FKBP10: variants seen among roughly 807,000 people sequenced by gnomAD.
FKBP10 encodes peptidyl-prolyl cis-trans isomerase FKBP10.
Under a neutral mutation model 53.7 loss-of-function variants are expected in FKBP10, and 34 were observed. That is an observed-to-expected ratio of 0.63 (90% CI 0.48 to 0.84). The LOEUF (loss-of-function observed/expected upper bound fraction) is 0.84. Among genes scored for constraint, FKBP10 ranks in the 40% least tolerant of loss-of-function variants. The probability of loss-of-function intolerance (pLI) is 0.00; values close to 1 mark genes in which losing one functional copy is unlikely to be tolerated. For missense variants in FKBP10, 748 were observed against 797.8 expected (o/e 0.94, Z 0.75); for synonymous variants, 324 against 335.7 (o/e 0.97, Z 0.38).
chr17:41,815,359 A>G (rs2047801734), intron 1 of FKBP10, among the ~76,000 whole-genome samples: 2 of 151,854 alleles, frequency 1.3e-5, no homozygotes, highest in African/African-American at 4.8e-5. Flanking sequence ...GCGTTTCACC[A>G]TGTTGCTCAG....
Position 41,813,213 on chromosome 17 carries a change from A to G in FKBP10, c.179A>G (p.Gln60Arg). 1 of 1,613,670 alleles carries G rather than the reference A, an allele frequency of 6.2e-7. No homozygotes were observed. ...CCCAGGGCCTGTCCCCGGGAAGTGCAGATGGGGGATTTTGTGCGCTACCAC... is the reference window on the plus strand; with the variant it reads ...CCCAGGGCCTGTCCCCGGGAAGTGCGGATGGGGGATTTTGTGCGCTACCAC... ...HIPRACPREV[Q>R]MGDFVRYHYN... The change falls in exon 1 of 10, where the codon CAG becomes CGG. Residue 60 changes from glutamine (Q) to arginine (R), a missense_variant. Physicochemically the swap from Gln to Arg is conservative, Grantham distance 43 (BLOSUM62 1). Coordinates refer to ENST00000321562, the MANE Select transcript of FKBP10 (RefSeq NM_021939.4).
chr17:41,814,088 C>A (rs911954137), intron 1 of FKBP10, among the ~76,000 whole-genome samples: 2 of 152,184 alleles, frequency 1.3e-5, no homozygotes, highest in African/African-American at 4.8e-5. Flanking sequence ...GGGGACAGGG[C>A]AGGGCTGTAT....
chr17:41,816,782 C>T (rs1555616115), intron 1 of FKBP10, among the ~76,000 whole-genome samples: 1 of 152,212 alleles, frequency 6.6e-6, no homozygotes, highest in East Asian at 1.9e-4. Context: ...CCATCAGGCC[C>T]GGGCATCCCA....
chr17:41,818,467 C>G lies in FKBP10; in HGVS notation c.667C>G (p.Pro223Ala). The G allele has an allele frequency of 6.2e-7, 1 of 1,614,192 alleles. No homozygotes were observed. Among genetic ancestry groups the G allele is most frequent in the Non-Finnish European group, 8.5e-7 (1 of 1,180,028 alleles). ...GGACCAGGGGCTGCTGGGCATGTGT[C>G]CTGGAGAGAGAAGGAAGATTATCAT... ...GMDQGLLGMC[P>A]GERRKIIIPP... The change falls in exon 4 of 10, where the codon CCT becomes GCT. Residue 223 changes from proline (P) to alanine (A), a missense_variant. Transcript: ENST00000321562.
chr17:41,822,235 A>G lies in FKBP10; in HGVS notation c.1576A>G (p.Ile526Val). Residue 526 changes from isoleucine (I) to valine (V), a missense_variant, in exon 10 of 10, where the codon ATC (isoleucine) becomes GTC (valine). Coordinates refer to ENST00000321562, the MANE Select transcript of FKBP10 (RefSeq NM_021939.4). ...EVPPEEFSTF[I>V]KAQVSEGKGR... ...TCCCCTGCCCCAGTTCTCCACCTTC[A>G]TCAAGGCTCAAGTGAGTGAGGGCAA... The G allele has an allele frequency of 6.2e-7, 1 of 1,612,916 alleles. No individual in the cohort carries two copies. Among genetic ancestry groups the G allele is most frequent in the East Asian group, 2.2e-5 (1 of 44,882 alleles).
intron 1 of FKBP10, among the ~76,000 whole-genome samples, chr17:41,814,818 A>C (rs974872384): frequency 2.6e-5 from 4 of 152,168 alleles, no homozygotes; most frequent in African/African-American, 9.7e-5. Context: ...AGCTCACTGC[A>C]ACCTCCTGGG....
rs1288451119 is a variant in FKBP10, at chr17:41,822,936, G to A, written c.*528G>A. 3 of 190,542 alleles carry A rather than the reference G, an allele frequency of 1.6e-5. No homozygotes were observed. The highest frequency in any genetic ancestry group is 3.3e-5 in the Non-Finnish European group (3 of 90,460). 11.8% of individuals were successfully genotyped at this position (190,542 alleles called of 1,614,324 possible). ...CCCATGCCCTTTGCCCTCCTCCCTC[G>A]CCTCCAGTGGAGGCTGAGCTGACCC... On this transcript the variant is annotated 3_prime_UTR_variant, in exon 10 of 10. Transcript: ENST00000321562.
Position 41,823,190 on chromosome 17 carries a change from G to A in FKBP10, c.*782G>A, listed in dbSNP as rs1555617533. 6.6e-6 allele frequency: 1 copy of A among 152,528 alleles called. No homozygotes were observed. Among genetic ancestry groups the A allele is most frequent in the African/African-American group, 2.4e-5 (1 of 41,426 alleles). 9.4% of individuals were successfully genotyped at this position (152,528 alleles called of 1,614,324 possible). A position where few individuals can be genotyped will look rare whatever the true frequency, so the allele number is the denominator to read the frequency against. On this transcript the variant is annotated 3_prime_UTR_variant, in exon 10 of 10. Coordinates refer to ENST00000321562, the MANE Select transcript of FKBP10 (RefSeq NM_021939.4). ...ACTGGTGTCAGTCCTTTTTTCCTTT[G>A]TTCCAAATAAAAGATTAAACCAATG...
intron 1 of FKBP10, among the ~76,000 whole-genome samples, chr17:41,815,616 C>T (rs560738797): frequency 7.9e-5 from 12 of 151,500 alleles, no homozygotes; most frequent in African/African-American, 2.9e-4. Context: ...CAGGCGCCTC[C>T]ACAATTTTTT....
At chr17:41,822,149 C>T (rs1219118240) in intron 9 of FKBP10, 74 bp from the exon 10 acceptor site, 14 of 1,442,152 alleles carry the variant, frequency 9.7e-6, no homozygotes, top group Non-Finnish European at 1.3e-5. Context: ...ACTCACTGGC[C>T]TCCACCCGGG....
chr17:41,822,470 T>C lies in FKBP10; in HGVS notation c.*62T>C. 1 of 1,532,210 alleles carries C rather than the reference T, an allele frequency of 6.5e-7. No homozygotes were observed. The highest frequency in any genetic ancestry group is 2.4e-5 in the East Asian group (1 of 41,318). 94.9% of individuals were successfully genotyped at this position (1,532,210 alleles called of 1,614,324 possible). On this transcript the variant is annotated 3_prime_UTR_variant, in exon 10 of 10. Transcript: ENST00000321562. ...CCCACTGCGAGGGGGACAGTGGCGG[T>C]GGGACTGACCTGCTGACAGTCACCC...
chr17:41,819,864 AGC>A, intron 6 of FKBP10, 189 bp downstream of exon 6: 1 of 1,541,914 alleles, frequency 6.5e-7, no homozygotes, highest in Non-Finnish European at 8.8e-7. Flanking sequence ...CCTCCAGGGC[AGC>A]GCCCCACTTC....
chr17:41,820,441 C>A lies in FKBP10; in HGVS notation c.1236C>A (p.Asp412Glu). The A allele has an allele frequency of 6.2e-7, 1 of 1,612,108 alleles. No individual in the cohort carries two copies. Among genetic ancestry groups the A allele is most frequent in the Non-Finnish European group, 8.5e-7 (1 of 1,179,384 alleles). Residue 412 changes from aspartate (D) to glutamate (E), a missense_variant, in exon 7 of 10, where the codon GAC becomes GAA. Physicochemically the swap from Asp to Glu is conservative, Grantham distance 45 (BLOSUM62 2). Coordinates refer to ENST00000321562, the MANE Select transcript of FKBP10 (RefSeq NM_021939.4). Reference protein sequence around the residue: ...VRYHYNCSLLDGTQLFTSHDY... With the variant: ...VRYHYNCSLLEGTQLFTSHDY... The stretch of plus-strand genomic sequence containing the variant: ...ACCATTACAACTGTTCTTTGCTGGA[C>A]GGCACCCAGCTGTTCACCTCGTGGG...
At chr17:41,815,646 G>A (rs1240530945) in intron 1 of FKBP10, among the ~76,000 whole-genome samples, 1 of 147,060 alleles carries the variant, frequency 6.8e-6, no homozygotes, top group Non-Finnish European at 1.5e-5. Context: ...TAGTAGAGAC[G>A]GGGTTTCACC....
intron 1 of FKBP10, among the ~76,000 whole-genome samples, chr17:41,815,752 G>C (rs1555616018): frequency 6.9e-6 from 1 of 145,720 alleles, no homozygotes; most frequent in African/African-American, 2.5e-5. Flanking sequence ...ACTGCGCTCG[G>C]CCAGAAAACT....
intron 6 of FKBP10, 62 bp downstream of exon 6, chr17:41,819,737 C>A: frequency 6.4e-7 from 1 of 1,556,848 alleles, no homozygotes. Context: ...GTGTCTAGGC[C>A]ACCCCCTCCC....
chr17:41,822,193 G>T (rs1555617283), intron 9 of FKBP10, 30 bp from the exon 10 acceptor site: 1 of 1,600,156 alleles, frequency 6.2e-7, no homozygotes, highest in Non-Finnish European at 8.5e-7. Flanking sequence ...GACCCTCACT[G>T]CCCGCTCCCC....
At chr17:41,821,929 C>T in intron 9 of FKBP10, 112 bp downstream of exon 9, 1 of 1,360,390 alleles carries the variant, frequency 7.4e-7, no homozygotes, top group Non-Finnish European at 1.0e-6. Context: ...GGTGCTCCTG[C>T]CTGCGCTGAG....
chr17:41,819,547 C>T lies in FKBP10; in HGVS notation c.935C>T (p.Thr312Ile). 1 of 1,614,144 alleles carries T rather than the reference C, an allele frequency of 6.2e-7. No individual in the cohort carries two copies. ...TATTGCAGCTACTCCCGCAACCACA[C>T]CTACAATACCTATATCGGGCAGGGT... ...LFDSSYSRNH[T>I]YNTYIGQGYI... Residue 312 changes from threonine (T) to isoleucine (I), a missense_variant, in exon 6 of 10, where the codon ACC becomes ATC. By Grantham distance (89) the Thr-to-Ile change is moderately conservative. Coordinates refer to ENST00000321562, the MANE Select transcript of FKBP10 (RefSeq NM_021939.4).
Sources: allele counts gnomAD v4.1 joint callset (sites outside exome capture counted in the v4.1 genomes callset), GRCh38; gene constraint gnomAD v4.1.1; transcripts MANE v1.5; gene names NCBI Gene and HGNC (gene_info 2026-07-23, HGNC 2026-07-21).